Variants in WASF3 observed in about 807,000 individuals in gnomAD.
WASF3 encodes WASP family member 3.
A neutral mutation model predicts 46.6 loss-of-function variants in WASF3; 11 were observed. The ratio of observed to expected loss-of-function variants is 0.24; its 90% confidence interval spans 0.15 to 0.39. The LOEUF (loss-of-function observed/expected upper bound fraction) is 0.39. Among genes scored for constraint, WASF3 ranks in the 10% least tolerant of loss-of-function variants. The pLI is 1.00. For missense variants in WASF3, 576 were observed against 669.8 expected (o/e 0.86, Z 1.55); for synonymous variants, 242 against 259.7 (o/e 0.93, Z 0.65).
intron 3 of WASF3, among the ~76,000 whole-genome samples, chr13:26,653,127 C>T (rs981201158): frequency 6.6e-6 from 1 of 152,168 alleles, no homozygotes; most frequent in Non-Finnish European, 1.5e-5. Context: ...TCCACGTGTC[C>T]TGTTCACCCT....
At chr13:26,598,339 T>G (rs1383265832) in intron 1 of WASF3, among the ~76,000 whole-genome samples, 2 of 152,152 alleles carry the variant, frequency 1.3e-5, no homozygotes, top group Non-Finnish European at 2.9e-5. Flanking sequence ...TTTGTTTGAG[T>G]TCATTGTAGA....
intron 2 of WASF3, chr13:26,622,644 G>A (rs926030678): frequency 6.6e-6 from 1 of 152,174 alleles, no homozygotes; most frequent in African/African-American, 2.4e-5. Flanking sequence ...ACGTGGTGGT[G>A]GGTGCTTGTA....
At chr13:26,607,540 G>T (rs919250719) in intron 1 of WASF3, among the ~76,000 whole-genome samples, 3 of 152,124 alleles carry the variant, frequency 2.0e-5, no homozygotes, top group Non-Finnish European at 4.4e-5. Context: ...TCCCAGCTCA[G>T]GTAAACTGGG....
intron 2 of WASF3, among the ~76,000 whole-genome samples, chr13:26,634,666 T>C (rs958073667): frequency 1.3e-5 from 2 of 152,238 alleles, no homozygotes; most frequent in African/African-American, 4.8e-5. Context: ...TCAGGAGCTC[T>C]TGTAAGGCAG....
chr13:26,574,211 C>G (rs1466847073), intron 1 of WASF3, among the ~76,000 whole-genome samples: 1 of 152,092 alleles, frequency 6.6e-6, no homozygotes, highest in East Asian at 1.9e-4. Context: ...GAGTGGAGTG[C>G]TGTCTCTCTC....
At chr13:26,664,636 C>T (rs189714796) in intron 3 of WASF3, among the ~76,000 whole-genome samples, 1 of 152,192 alleles carries the variant, frequency 6.6e-6, no homozygotes, top group African/African-American at 2.4e-5. Flanking sequence ...GAGATAAAAT[C>T]CCAGATTTAA....
chr13:26,566,527 A>T (rs567964600), intron 1 of WASF3, among the ~76,000 whole-genome samples: 1 of 152,254 alleles, frequency 6.6e-6, no homozygotes, highest in South Asian at 2.1e-4. Flanking sequence ...ACTCAGAGCA[A>T]GAAGCATCTG....
Position 26,688,561 on chromosome 13 carries a change from CTGA to C in WASF3, c.*2719_*2721del, listed in dbSNP as rs1883481825. On this transcript the variant is annotated 3_prime_UTR_variant, in exon 10 of 10. Coordinates refer to ENST00000335327, the MANE Select transcript of WASF3 (RefSeq NM_006646.6). ...GCCCCAGACCGTAAGCTTGGCTACA[CTGA>C]TGTTTTTCTTTACTAAGGATACTAT... The C allele has an allele frequency of 6.6e-6, 1 of 152,208 alleles. No individual in the cohort carries two copies. Among genetic ancestry groups the C allele is most frequent in the African/African-American group, 2.4e-5 (1 of 41,448 alleles). The allele number at this position is 152,208 out of a possible 1,614,324, so 9.4% of individuals were successfully genotyped here. A position where few individuals can be genotyped will look rare whatever the true frequency, so the allele number is the denominator to read the frequency against.
chr13:26,671,018 T>C (rs1201828512), intron 5 of WASF3, among the ~76,000 whole-genome samples: 1 of 152,228 alleles, frequency 6.6e-6, no homozygotes, highest in Admixed American at 6.5e-5. Context: ...TCCCCTGTGT[T>C]CCTTAATGAC....
At chr13:26,554,096 C>CTTCCTTCTTTCTTTCTTTCTTTCT (rs1566032476), upstream of WASF3, among the ~76,000 whole-genome samples, 1 of 7,384 alleles carries the variant, frequency 1.4e-4, no homozygotes, top group Non-Finnish European at 3.0e-4. Flanking sequence ...TCCTTCCTTC[C>CTTCCTTCTTTCTTTCTTTCTTTCT]TTCTTTCTTT....
At chr13:26,678,728 T>C (rs927522122) in intron 7 of WASF3, among the ~76,000 whole-genome samples, 5 of 152,210 alleles carry the variant, frequency 3.3e-5, no homozygotes, top group Admixed American at 1.3e-4. Context: ...TGGGAAGTGC[T>C]TGCCTGCTGT....
intron 3 of WASF3, among the ~76,000 whole-genome samples, chr13:26,648,443 G>A (rs929579276): frequency 3.3e-5 from 5 of 152,272 alleles, no homozygotes; most frequent in African/African-American, 1.2e-4. Context: ...ATTTGGAGGT[G>A]TGTTAATTGA....
In WASF3 at chr13:26,667,618, A is replaced by G. The variant is rs1882810849; in HGVS notation, c.370A>G (p.Ile124Val). ...CAGCATTCCTAATCCTGTTGCTGATATTTACAACCAGAGTGATAAGCCACC... is the reference window on the plus strand; with the variant it reads ...CAGCATTCCTAATCCTGTTGCTGATGTTTACAACCAGAGTGATAAGCCACC... ...KNSIPNPVAD[I>V]YNQSDKPPPL... is the part of the protein sequence containing the mutation. The change falls in exon 5 of 10, where the codon ATT becomes GTT. Residue 124 changes from isoleucine (I) to valine (V), a missense_variant. Coordinates refer to ENST00000335327, the MANE Select transcript of WASF3 (RefSeq NM_006646.6). 1 of 1,614,006 alleles carries G rather than the reference A, an allele frequency of 6.2e-7. No individual in the cohort carries two copies. The highest frequency in any genetic ancestry group is 8.5e-7 in the Non-Finnish European group (1 of 1,180,016).
intron 3 of WASF3, among the ~76,000 whole-genome samples, chr13:26,650,813 A>G (rs1437902367): frequency 6.6e-6 from 1 of 152,222 alleles, no homozygotes; most frequent in Non-Finnish European, 1.5e-5. Context: ...AAGTTAATAG[A>G]AATTATTTAA....
In WASF3 at chr13:26,633,158, G is replaced by A. The variant is rs545985321; in HGVS notation, c.-10-9103G>A. On this transcript the variant is annotated intron_variant, in intron 2 of 9. Transcript: ENST00000335327. ...TCATTGATTTTTTGAAGGATTTCTT[G>A]TGTCTTTATCTCCTTCAGTTCTGTT... is the stretch of plus-strand genomic sequence containing the variant. Among the ~76,000 whole-genome samples, 3 of 139,856 alleles carry A rather than the reference G, an allele frequency of 2.1e-5. No homozygotes were observed. In the East Asian group the frequency reaches 6.1e-4, roughly 29 times the overall value. The allele number at this position is 139,856 out of a possible 152,430, so 91.8% of individuals were successfully genotyped here.
Position 26,682,912 on chromosome 13 carries a change from A to C in WASF3, c.1289A>C (p.Gln430Pro), listed in dbSNP as rs1883285207. ...CCCCCAGTAGCTGAGGCGAAGCGGC[A>C]AGAGCCTGCACAGCCACCAATCAGT... ...HGPPVAEAKRQEPAQPPISDA... is the reference protein window; with the variant it reads ...HGPPVAEAKRPEPAQPPISDA... Residue 430 changes from glutamine to proline, a missense_variant, in exon 9 of 10, where the codon CAA becomes CCA. Physicochemically the swap from Gln to Pro is moderately conservative, Grantham distance 76. This residue lies in a region of WASF3 where 295 missense variants were observed against 291.5 expected (regional missense o/e 1.01). Transcript: ENST00000335327. The surrounding 1 kb of genome is among the most constrained non-coding windows in gnomAD (Gnocchi z 4.4). 1 of 1,610,436 alleles carries C rather than the reference A, an allele frequency of 6.2e-7. No individual in the cohort carries two copies. Among genetic ancestry groups the C allele is most frequent in the Non-Finnish European group, 8.5e-7 (1 of 1,179,950 alleles).
chr13:26,617,859 A>G (rs1408983853), intron 2 of WASF3, among the ~76,000 whole-genome samples: 1 of 152,070 alleles, frequency 6.6e-6, no homozygotes, highest in Non-Finnish European at 1.5e-5. Context: ...TTCTTGTGAT[A>G]GTGAATTCTC....
intron 1 of WASF3, among the ~76,000 whole-genome samples, chr13:26,599,727 T>C (rs548756112): frequency 6.6e-6 from 1 of 152,380 alleles, no homozygotes; most frequent in Non-Finnish European, 1.5e-5. Context: ...TGTGGATTAC[T>C]ACTTTGCCTA....
chr13:26,541,340 C>T, the WASF3 span, among the ~76,000 whole-genome samples: 1 of 152,300 alleles, frequency 6.6e-6, no homozygotes, highest in African/African-American at 2.4e-5. Context: ...GTTTGCATTC[C>T]AGCCTGCCAC....
Sources: allele counts gnomAD v4.1 joint callset (sites outside exome capture counted in the v4.1 genomes callset), GRCh38; gene constraint gnomAD v4.1.1; regional missense constraint gnomAD v4.1.1; non-coding constraint Gnocchi (gnomAD v3.1); transcripts MANE v1.5; gene names NCBI Gene and HGNC (gene_info 2026-07-23, HGNC 2026-07-21).